Variants in AP3S1 observed in about 807,000 individuals in gnomAD.
AP3S1 encodes the protein adaptor related protein complex 3 subunit sigma 1.
In AP3S1, 12 loss-of-function variants were observed where a neutral mutation model predicts 21.3. The observed-to-expected ratio is 0.56, with a 90% CI of 0.36 to 0.91. The LOEUF (loss-of-function observed/expected upper bound fraction) is 0.91. AP3S1 is among the 40% of genes least tolerant of loss of function. The pLI is 0.01. For missense variants in AP3S1, 116 were observed against 225.0 expected (o/e 0.52, Z 3.10); for synonymous variants, 48 against 78.4 (o/e 0.61, Z 2.05).
chr5:115,871,240 C>T (rs11241337), intron 3 of AP3S1, among the ~76,000 whole-genome samples: 55,589 of 152,008 alleles, frequency 0.37, 10,689 homozygotes, highest in African/African-American at 0.45. Flanking sequence ...GCTCACAATA[C>T]GTGTGGAAAC....
intron 1 of AP3S1, among the ~76,000 whole-genome samples, chr5:115,849,039 T>C (rs1762256181): frequency 6.6e-6 from 1 of 152,172 alleles, no homozygotes; most frequent in South Asian, 2.1e-4. Context: ...TCTGGATACT[T>C]TCTGATCTGT....
chr5:115,856,642 CGTT>C (rs1554065259), intron 1 of AP3S1, among the ~76,000 whole-genome samples: 2 of 151,310 alleles, frequency 1.3e-5, no homozygotes, highest in African/African-American at 4.9e-5. Context: ...GTTTTTAAAA[CGTT>C]GTTGTTGTTG....
At chr5:115,894,617 G>A (rs960153773) in intron 3 of AP3S1, among the ~76,000 whole-genome samples, 4 of 152,172 alleles carry the variant, frequency 2.6e-5, no homozygotes, top group African/African-American at 9.7e-5. Flanking sequence ...AGGTAAGTCT[G>A]ATTCCAAAGT....
At chr5:115,895,262 T>C (rs1750656483) in intron 4 of AP3S1, 104 bp downstream of exon 4, 9 of 762,716 alleles carry the variant, frequency 1.2e-5, no homozygotes, top group Non-Finnish European at 1.2e-5. Context: ...TATTCTTTTA[T>C]TATTCAATTC....
chr5:115,894,359 A>G (rs780670865), intron 3 of AP3S1, among the ~76,000 whole-genome samples: 8 of 152,198 alleles, frequency 5.3e-5, no homozygotes, highest in Non-Finnish European at 8.8e-5. Flanking sequence ...GGCATTCACT[A>G]TAAATCACAT....
chr5:115,849,251 G>A (rs150846731), intron 1 of AP3S1, among the ~76,000 whole-genome samples: 92 of 152,322 alleles, frequency 6.0e-4, no homozygotes, highest in African/African-American at 2.2e-3. Context: ...AAATGAAACA[G>A]TATAAGGGAA....
chr5:115,852,622 A>G (rs965167510), intron 1 of AP3S1, among the ~76,000 whole-genome samples: 2 of 152,040 alleles, frequency 1.3e-5, no homozygotes, highest in East Asian at 1.9e-4. Context: ...TCACTTTTCA[A>G]TCCCCACTCC....
At chr5:115,861,850 ATTTTC>A (rs1051068840) in intron 1 of AP3S1, among the ~76,000 whole-genome samples, 442 of 138,312 alleles carry the variant, frequency 3.2e-3, no homozygotes, top group Middle Eastern at 0.012. Flanking sequence ...CCAGGCCAAA[ATTTTC>A]TTTTCTTTTC....
intron 3 of AP3S1, among the ~76,000 whole-genome samples, chr5:115,887,453 A>AT (rs553443032): frequency 0.045 from 6,701 of 147,526 alleles, 214 homozygotes; most frequent in Middle Eastern, 0.063. Context: ...CCAGAAACCA[A>AT]TTTTTTTTTT....
chr5:115,904,692 G>A lies in AP3S1; in HGVS notation c.453+1700G>A, dbSNP rs151035145. 2.2e-4 allele frequency among the ~76,000 whole-genome samples: 34 copies of A among 152,234 alleles called. No homozygotes were observed. The East Asian group carries it at 5.4e-3, about 24-fold the overall frequency. ...GGAAAAAGACTCATAATTTAATTTA[G>A]TATAACTGACTTGCAATATATTATT... On this transcript the variant is annotated intron_variant, in intron 5 of 5. Coordinates refer to ENST00000316788, the MANE Select transcript of AP3S1 (RefSeq NM_001284.4).
At chr5:115,842,344 G>A (rs1037029452) in intron 1 of AP3S1, 2 of 498,826 alleles carry the variant, frequency 4.0e-6, no homozygotes, top group African/African-American at 2.1e-5. Context: ...CCGTCGGTGG[G>A]CTGCATGCTT....
intron 1 of AP3S1, among the ~76,000 whole-genome samples, chr5:115,856,176 A>G (rs1762785690): frequency 6.6e-6 from 1 of 152,194 alleles, no homozygotes. Flanking sequence ...AGCCTGAAGC[A>G]AGTTCTAGGC....
At position 115,860,691 on chromosome 5, in the gene AP3S1, T is replaced by C. The variant is rs113995997; in HGVS notation, c.70-5979T>C. ...TTTTCTGAGAATACTTTAACACTTA[T>C]TTAAACACTTTCAAGATTTTGTTGT... is the stretch of plus-strand genomic sequence containing the variant. On this transcript the variant is annotated intron_variant, in intron 1 of 5. Coordinates refer to ENST00000316788, the MANE Select transcript of AP3S1 (RefSeq NM_001284.4). Among the ~76,000 whole-genome samples, 1,434 of 152,324 alleles carry C rather than the reference T, an allele frequency of 9.4e-3. 11 individuals are homozygous for C. The highest frequency in any genetic ancestry group is 0.015 in the Non-Finnish European group (1,013 of 68,030).
chr5:115,910,051 G>A (rs1186054735), intron 5 of AP3S1, among the ~76,000 whole-genome samples: 1 of 152,064 alleles, frequency 6.6e-6, no homozygotes, highest in African/African-American at 2.4e-5. Context: ...CTCACTTGAG[G>A]CCAGGAGTTT....
intron 4 of AP3S1, among the ~76,000 whole-genome samples, chr5:115,899,903 G>A (rs888721269): frequency 5.3e-5 from 8 of 152,108 alleles, no homozygotes; most frequent in African/African-American, 1.9e-4. Context: ...AGGTCTCTCA[G>A]TGGTCTAGAA....
intron 4 of AP3S1, among the ~76,000 whole-genome samples, chr5:115,901,153 T>G (rs1212996131): frequency 1.3e-5 from 2 of 152,196 alleles, no homozygotes; most frequent in East Asian, 3.8e-4. Flanking sequence ...TTTCAATTCT[T>G]TATTTTCTTG....
intron 3 of AP3S1, among the ~76,000 whole-genome samples, chr5:115,883,649 G>A (rs1056471805): frequency 2.0e-5 from 3 of 152,098 alleles, no homozygotes. Flanking sequence ...GTTCCTATTC[G>A]GCCATCTTGC....
At chr5:115,853,990 G>A (rs998423217) in intron 1 of AP3S1, among the ~76,000 whole-genome samples, 14 of 152,112 alleles carry the variant, frequency 9.2e-5, no homozygotes, top group Admixed American at 9.2e-4. Flanking sequence ...AATTTATTTG[G>A]TTCATGGTTC....
chr5:115,901,128 T>A (rs904767591), intron 4 of AP3S1, among the ~76,000 whole-genome samples: 4 of 152,220 alleles, frequency 2.6e-5, no homozygotes, highest in African/African-American at 9.6e-5. Flanking sequence ...TTTCTCATTC[T>A]TTCCTTCCTC....
Sources: allele counts gnomAD v4.1 joint callset (sites outside exome capture counted in the v4.1 genomes callset), GRCh38; gene constraint gnomAD v4.1.1; transcripts MANE v1.5; gene names NCBI Gene and HGNC (gene_info 2026-07-23, HGNC 2026-07-21).